Variants in CAMKMT observed in about 807,000 individuals in gnomAD.
The protein encoded by CAMKMT is calmodulin-lysine N-methyltransferase.
CAMKMT carries 53 observed loss-of-function variants against 48.0 expected under a neutral mutation model. The ratio of observed to expected loss-of-function variants is 1.10; its 90% CI spans 0.89 to 1.39. The LOEUF is 1.39. CAMKMT is among the 40% of genes most tolerant of loss of function. The pLI, the probability that CAMKMT is intolerant of heterozygous loss-of-function variation, is 0.00. For synonymous variants in CAMKMT, 165 were observed against 152.3 expected, an observed-to-expected ratio of 1.08 and a Z score of -0.61; for missense variants, 428 against 402.7, an observed-to-expected ratio of 1.06 and a Z score of -0.54.
chr2:44,754,711 T>G (rs1158718637), intron 9 of CAMKMT, among the ~76,000 whole-genome samples: 1 of 152,200 alleles, frequency 6.6e-6, no homozygotes, highest in Non-Finnish European at 1.5e-5. Context: ...TATCCATTTA[T>G]GCCGGTGAGT....
intron 7 of CAMKMT, among the ~76,000 whole-genome samples, chr2:44,739,720 G>T (rs1679566732): frequency 6.6e-6 from 1 of 152,192 alleles, no homozygotes; most frequent in African/African-American, 2.4e-5. Flanking sequence ...AGCCTGGCTG[G>T]AGTGAATTTT....
intron 9 of CAMKMT, among the ~76,000 whole-genome samples, chr2:44,763,900 C>T (rs1243482350): frequency 1.3e-5 from 2 of 152,172 alleles, no homozygotes; most frequent in Non-Finnish European, 2.9e-5. Context: ...TAAAAACCGA[C>T]TCTTCAAGTG....
intron 3 of CAMKMT, among the ~76,000 whole-genome samples, chr2:44,702,956 C>A (rs1475518309): frequency 6.6e-6 from 1 of 151,976 alleles, no homozygotes; most frequent in African/African-American, 2.4e-5. Flanking sequence ...AAAATTAAGC[C>A]TTTTGTAGAT....
intron 3 of CAMKMT, among the ~76,000 whole-genome samples, chr2:44,627,265 C>T (rs1418529433): frequency 1.3e-5 from 2 of 151,950 alleles, no homozygotes; most frequent in Non-Finnish European, 2.9e-5. Flanking sequence ...ATTTGATTTG[C>T]TATTTTGTTT....
At chr2:44,366,351 G>C (rs1438372787) in intron 1 of CAMKMT, among the ~76,000 whole-genome samples, 1 of 152,186 alleles carries the variant, frequency 6.6e-6, no homozygotes, top group Non-Finnish European at 1.5e-5. Context: ...ACCACGTACT[G>C]GATGCTCTTC....
At chr2:44,438,204 C>T (rs567870020) in intron 3 of CAMKMT, among the ~76,000 whole-genome samples, 1 of 152,318 alleles carries the variant, frequency 6.6e-6, no homozygotes, top group South Asian at 2.1e-4. Flanking sequence ...CTCCAGTGTT[C>T]ATGCTCTTAA....
At chr2:44,495,956 A>G (rs1051891290) in intron 3 of CAMKMT, among the ~76,000 whole-genome samples, 2 of 152,200 alleles carry the variant, frequency 1.3e-5, no homozygotes, top group Non-Finnish European at 2.9e-5. Context: ...CTTTCTTATG[A>G]ATACCTAGTA....
At chr2:44,714,317 C>T (rs1372414593) in intron 6 of CAMKMT, among the ~76,000 whole-genome samples, 1 of 152,146 alleles carries the variant, frequency 6.6e-6, no homozygotes, top group Non-Finnish European at 1.5e-5. Flanking sequence ...GGTGCTGAAA[C>T]CTGACTATTT....
chr2:44,669,829 A>G (rs1573035528), intron 3 of CAMKMT, among the ~76,000 whole-genome samples: 2 of 151,642 alleles, frequency 1.3e-5, no homozygotes, highest in Admixed American at 1.3e-4. Context: ...GTAGAGACGA[A>G]GTTTCACCAT....
intron 3 of CAMKMT, among the ~76,000 whole-genome samples, chr2:44,519,273 A>G (rs1314549785): frequency 1.3e-5 from 2 of 152,170 alleles, no homozygotes; most frequent in East Asian, 3.8e-4. Flanking sequence ...CCCTCTATAC[A>G]TGTGTTTATA....
intron 9 of CAMKMT, among the ~76,000 whole-genome samples, chr2:44,766,110 G>A (rs1357886120): frequency 6.6e-6 from 1 of 152,176 alleles, no homozygotes; most frequent in Admixed American, 6.5e-5. Context: ...CTAAAATCTA[G>A]TCAATGGCTT....
chr2:44,458,556 G>T (rs1403396581), intron 3 of CAMKMT, among the ~76,000 whole-genome samples: 1 of 152,198 alleles, frequency 6.6e-6, no homozygotes, highest in Non-Finnish European at 1.5e-5. Context: ...GCTTTCAGGG[G>T]TTTGTGCTGT....
intron 3 of CAMKMT, among the ~76,000 whole-genome samples, chr2:44,473,749 C>A (rs1164712316): frequency 6.6e-6 from 1 of 152,114 alleles, no homozygotes; most frequent in Non-Finnish European, 1.5e-5. Context: ...GGTAGAAACC[C>A]AATTGACAAA....
intron 3 of CAMKMT, among the ~76,000 whole-genome samples, chr2:44,656,710 CT>C (rs924923776): frequency 2.4e-4 from 36 of 151,808 alleles, no homozygotes; most frequent in African/African-American, 7.2e-4. Context: ...CCCACCCCAC[CT>C]TTTTTTTATT....
chr2:44,705,425 G>C (rs1677499219), intron 4 of CAMKMT: 3 of 985,274 alleles, frequency 3.0e-6, no homozygotes, highest in South Asian at 4.7e-5. Flanking sequence ...CTGGAAGTCT[G>C]GCATTTGTTC....
intron 3 of CAMKMT, among the ~76,000 whole-genome samples, chr2:44,505,679 G>A (rs1034136603): frequency 4.6e-5 from 7 of 152,024 alleles, no homozygotes; most frequent in African/African-American, 1.7e-4. Flanking sequence ...AGGTGAAGGA[G>A]GCGGAAAAGG....
At chr2:44,434,758 A>C (rs1415556640) in intron 3 of CAMKMT, among the ~76,000 whole-genome samples, 2 of 152,204 alleles carry the variant, frequency 1.3e-5, no homozygotes, top group African/African-American at 2.4e-5. Flanking sequence ...AAATTCAGCT[A>C]TTTTGTGAAA....
chr2:44,693,054 T>G (rs1676751607), intron 3 of CAMKMT, among the ~76,000 whole-genome samples: 1 of 152,194 alleles, frequency 6.6e-6, no homozygotes, highest in South Asian at 2.1e-4. Context: ...GTAAGTCTTG[T>G]CAGTGTACCT....
At chr2:44,595,003 C>T (rs188180912) in intron 3 of CAMKMT, among the ~76,000 whole-genome samples, 7 of 152,206 alleles carry the variant, frequency 4.6e-5, no homozygotes, top group East Asian at 1.9e-4. Flanking sequence ...AGGATATGAA[C>T]GGACGCCTGT....
Sources: gnomAD v4.1 joint callset for allele counts (sites outside exome capture counted in the v4.1 genomes callset) on GRCh38, gnomAD v4.1.1 for gene constraint, MANE v1.5 for transcripts, NCBI Gene and HGNC (gene_info 2026-07-23, HGNC 2026-07-21) for gene names.